The following EPB41L3 variants were observed in gnomAD, a reference collection of about 807,000 sequenced individuals.
The protein encoded by EPB41L3 is erythrocyte membrane protein band 4.1 like 3, also known as band 4.1-like protein 3.
In EPB41L3, 57 loss-of-function variants were observed where a neutral mutation model predicts 127.1. The ratio of observed to expected loss-of-function variants is 0.45; its 90% confidence interval spans 0.36 to 0.56. The LOEUF (loss-of-function observed/expected upper bound fraction) is 0.56. Among genes scored for constraint, EPB41L3 ranks in the 20% least tolerant of loss-of-function variants. EPB41L3 has a pLI of 0.00. For missense variants in EPB41L3, 1,273 were observed against 1,372.2 expected (o/e 0.93, Z 1.14); for synonymous variants, 572 against 549.5 (o/e 1.04, Z -0.57).
chr18:5,588,895 G>A (rs2094462228), intron 3 of EPB41L3, among the ~76,000 whole-genome samples: 2 of 151,804 alleles, frequency 1.3e-5, no homozygotes, highest in Admixed American at 1.3e-4. Context: ...TAAAGAGTAG[G>A]GCCAGTTATT....
At chr18:5,462,821 T>C (rs1465294014) in intron 3 of EPB41L3, among the ~76,000 whole-genome samples, 2 of 152,228 alleles carry the variant, frequency 1.3e-5, no homozygotes, top group Non-Finnish European at 1.5e-5. Flanking sequence ...TTGACATCTC[T>C]TGCAAATGAC....
At chr18:5,448,945 G>A (rs1260571871) in intron 3 of EPB41L3, among the ~76,000 whole-genome samples, 1 of 152,124 alleles carries the variant, frequency 6.6e-6, no homozygotes, top group Non-Finnish European at 1.5e-5. Flanking sequence ...CAAGTTTCAT[G>A]ACTTTTTACA....
intron 1 of EPB41L3, among the ~76,000 whole-genome samples, chr18:5,490,450 A>G (rs1369442313): frequency 6.6e-6 from 1 of 152,208 alleles, no homozygotes. Context: ...AAAAGGGAGC[A>G]TCACAAATAC....
intron 1 of EPB41L3, among the ~76,000 whole-genome samples, chr18:5,623,955 A>T (rs979281122): frequency 7.3e-5 from 11 of 151,228 alleles, no homozygotes; most frequent in Non-Finnish European, 1.3e-4. Context: ...CATTTTTAAT[A>T]AAAAAAAATG....
chr18:5,489,386 T>C (rs2090322704), intron 1 of EPB41L3, 192 bp from the exon 2 acceptor site: 2 of 553,156 alleles, frequency 3.6e-6, no homozygotes, highest in Admixed American at 8.1e-5. Flanking sequence ...CACCAGGCAC[T>C]CAAAACTAAC....
At chr18:5,609,515 C>T (rs2094702203) in intron 3 of EPB41L3, among the ~76,000 whole-genome samples, 1 of 152,180 alleles carries the variant, frequency 6.6e-6, no homozygotes, top group Admixed American at 6.5e-5. Flanking sequence ...ATCATTATTG[C>T]TCAGCTTTGG....
chr18:5,427,808 C>G (rs549702291), intron 9 of EPB41L3, among the ~76,000 whole-genome samples: 1 of 151,864 alleles, frequency 6.6e-6, no homozygotes, highest in Non-Finnish European at 1.5e-5. Flanking sequence ...TGCAGTGGCA[C>G]GATCTCGGCT....
chr18:5,437,319 A>G lies in EPB41L3; in HGVS notation c.605+716T>C, dbSNP rs75906661. Reference sequence around the variant, plus strand: ...CATGAGGACACAGTAAGAAGTCAGCATTCTGCAACCCAGAAGCAGATCCTC... The same window carrying G: ...CATGAGGACACAGTAAGAAGTCAGCGTTCTGCAACCCAGAAGCAGATCCTC... On this transcript the variant is annotated intron_variant, in intron 6 of 22. Transcript: ENST00000341928. Among the ~76,000 whole-genome samples, 2,256 of 152,308 alleles carry G rather than the reference A, an allele frequency of 0.015. 100 individuals are homozygous for G. In the East Asian group the frequency reaches 0.17, roughly 11 times the overall value.
chr18:5,627,087 C>G (rs935530921), intron 1 of EPB41L3, among the ~76,000 whole-genome samples: 2 of 152,144 alleles, frequency 1.3e-5, no homozygotes, highest in African/African-American at 4.8e-5. Context: ...AGTCTGTTTA[C>G]GCAGTGCTCC....
chr18:5,469,773 A>ATT (rs534492142), intron 3 of EPB41L3, among the ~76,000 whole-genome samples: 197 of 139,080 alleles, frequency 1.4e-3, no homozygotes, highest in African/African-American at 4.8e-3. Context: ...TGTAGAATGA[A>ATT]TTTTTTTTTT....
chr18:5,461,001 A>G (rs149716285), intron 3 of EPB41L3, among the ~76,000 whole-genome samples: 3 of 152,276 alleles, frequency 2.0e-5, no homozygotes, highest in Non-Finnish European at 2.9e-5. Flanking sequence ...GAAATATTAC[A>G]TTTCCAGTTC....
At chr18:5,594,887 A>C (rs1191441425) in intron 3 of EPB41L3, among the ~76,000 whole-genome samples, 2 of 152,246 alleles carry the variant, frequency 1.3e-5, no homozygotes, top group Admixed American at 1.3e-4. Flanking sequence ...AATAGGAAAC[A>C]TACGGAAAAT....
chr18:5,586,409 T>C (rs2143395989), intron 3 of EPB41L3, among the ~76,000 whole-genome samples: 1 of 151,858 alleles, frequency 6.6e-6, no homozygotes, highest in Non-Finnish European at 1.5e-5. Context: ...TTTTGTTTTT[T>C]TTTTTTTTGA....
chr18:5,437,041 A>T (rs566600149), intron 6 of EPB41L3, among the ~76,000 whole-genome samples: 2 of 152,316 alleles, frequency 1.3e-5, no homozygotes, highest in South Asian at 4.1e-4. Flanking sequence ...TAAACTTACT[A>T]CGGAGCTGAG....
chr18:5,411,677 A>T (rs1448556405), intron 13 of EPB41L3, among the ~76,000 whole-genome samples: 2 of 129,226 alleles, frequency 1.5e-5, no homozygotes, highest in Non-Finnish European at 3.1e-5. Flanking sequence ...GAAAACAAAA[A>T]TGAAAATGGG....
intron 3 of EPB41L3, among the ~76,000 whole-genome samples, chr18:5,588,478 A>C (rs1166671374): frequency 6.6e-6 from 1 of 151,042 alleles, no homozygotes; most frequent in Non-Finnish European, 1.5e-5. Flanking sequence ...TAAATGTCAT[A>C]TATATACACA....
chr18:5,554,794 G>A (rs1054749655), intron 3 of EPB41L3, among the ~76,000 whole-genome samples: 3 of 102,006 alleles, frequency 2.9e-5, no homozygotes, highest in Non-Finnish European at 7.8e-5. Context: ...GGCCCTCTTT[G>A]CTCATGTGTA....
At chr18:5,562,204 A>C (rs556938059) in intron 3 of EPB41L3, among the ~76,000 whole-genome samples, 2 of 152,352 alleles carry the variant, frequency 1.3e-5, no homozygotes, top group South Asian at 4.1e-4. Context: ...TGTATTTATA[A>C]GATGCTAACA....
At chr18:5,573,923 T>A (rs1447025775) in intron 3 of EPB41L3, among the ~76,000 whole-genome samples, 7 of 151,776 alleles carry the variant, frequency 4.6e-5, no homozygotes, top group Admixed American at 1.3e-4. Flanking sequence ...CTTTTTTTTT[T>A]TTTTTGAGAC....
Sources: allele counts gnomAD v4.1 joint callset (sites outside exome capture counted in the v4.1 genomes callset), GRCh38; gene constraint gnomAD v4.1.1; transcripts MANE v1.5; gene names NCBI Gene and HGNC (gene_info 2026-07-23, HGNC 2026-07-21).